The following DACH1 variants were observed in gnomAD, a reference collection of about 807,000 sequenced individuals.
DACH1 encodes the protein dachshund family transcription factor 1.
DACH1 carries 12 observed loss-of-function variants against 54.2 expected under a neutral mutation model. The observed-to-expected ratio is 0.22, with a 90% CI of 0.14 to 0.36. The LOEUF (loss-of-function observed/expected upper bound fraction) is 0.36, where lower values mean the gene tolerates loss of function less well. Ranked by LOEUF, DACH1 falls within the 10% of genes least tolerant of loss-of-function variation. The pLI is 1.00. For missense variants in DACH1, 805 were observed against 929.8 expected, an observed-to-expected ratio of 0.87 and a Z score of 1.75; for synonymous variants, 386 against 366.2, an observed-to-expected ratio of 1.05 and a Z score of -0.62.
At chr13:71,548,083 G>A (rs889212937) in intron 6 of DACH1, among the ~76,000 whole-genome samples, 1 of 152,088 alleles carries the variant, frequency 6.6e-6, no homozygotes, top group African/African-American at 2.4e-5. Context: ...TGAGTGTTAG[G>A]CAAAATTGAA....
rs553076804 is a variant in DACH1 at position 71,596,225 on chromosome 13, G to C, written c.1127-23213C>G. The stretch of plus-strand genomic sequence containing the variant: ...TAGTGTATCTTGAAAATATAAAATA[G>C]CTTACTTACTATTCCCTTGTTTTCA... On this transcript the variant is annotated intron_variant, in intron 3 of 10. Coordinates refer to ENST00000613252, the MANE Select transcript of DACH1 (RefSeq NM_080759.6). Among the ~76,000 whole-genome samples the C allele has an allele frequency of 4.3e-4, 66 of 151,976 alleles. 1 individual carries two copies. The highest frequency in any genetic ancestry group is 3.4e-3 in the Middle Eastern group (1 of 294).
intron 2 of DACH1, among the ~76,000 whole-genome samples, chr13:71,649,024 T>G (rs1878493106): frequency 6.6e-6 from 1 of 152,164 alleles, no homozygotes; most frequent in Admixed American, 6.5e-5. Context: ...AAATTTTGTT[T>G]TGTAAGTATA....
At chr13:71,803,288 T>C (rs1165150933) in intron 1 of DACH1, among the ~76,000 whole-genome samples, 1 of 152,114 alleles carries the variant, frequency 6.6e-6, no homozygotes, top group African/African-American at 2.4e-5. Flanking sequence ...ATTACACAAC[T>C]AGATTCTTAA....
intron 1 of DACH1, among the ~76,000 whole-genome samples, chr13:71,692,369 A>G (rs1566436331): frequency 6.6e-6 from 1 of 152,060 alleles, no homozygotes; most frequent in African/African-American, 2.4e-5. Flanking sequence ...TACTGTCTGC[A>G]TATTTCTGAC....
At chr13:71,809,422 C>T (rs975738735) in intron 1 of DACH1, among the ~76,000 whole-genome samples, 5 of 152,112 alleles carry the variant, frequency 3.3e-5, no homozygotes, top group African/African-American at 1.2e-4. Flanking sequence ...CCTCCCACTT[C>T]GGCCTCCCAA....
At chr13:71,467,317 G>A (rs1413946342) in intron 10 of DACH1, among the ~76,000 whole-genome samples, 1 of 136,488 alleles carries the variant, frequency 7.3e-6, no homozygotes, top group Non-Finnish European at 1.6e-5. Flanking sequence ...CATGGACACA[G>A]GAAGGGGAAC....
rs1875900326 is a variant in DACH1, at chr13:71,617,851, GACAA to G, written c.1126+12701_1126+12704del. Among the ~76,000 whole-genome samples, 5 of 152,042 alleles carry G rather than the reference GACAA, an allele frequency of 3.3e-5. 1 individual carries two copies. The South Asian group carries it at 1.0e-3, about 32-fold the overall frequency. Reference sequence around the variant, plus strand: ...AATCAATAAAAAAAGTACAGGAACTGACAAACAACTAGTCAACAGAATCATTTTT... The same window carrying G: ...AATCAATAAAAAAAGTACAGGAACTGACAACTAGTCAACAGAATCATTTTT... On this transcript the variant is annotated intron_variant, in intron 3 of 10. Coordinates refer to ENST00000613252, the MANE Select transcript of DACH1 (RefSeq NM_080759.6).
At chr13:71,586,209 CT>C (rs1191730608) in intron 3 of DACH1, among the ~76,000 whole-genome samples, 21 of 152,052 alleles carry the variant, frequency 1.4e-4, no homozygotes, top group Non-Finnish European at 1.3e-4. Flanking sequence ...ATGTGGAGTT[CT>C]TATTAGAAAA....
rs907978694 is a variant in DACH1, at chr13:71,844,779, T to C, written c.848+21143A>G. Among the ~76,000 whole-genome samples, 5 of 151,928 alleles carry C rather than the reference T, an allele frequency of 3.3e-5. No individual in the cohort carries two copies. In the South Asian group the frequency reaches 1.0e-3, roughly 32 times the overall value. On this transcript the variant is annotated intron_variant, in intron 1 of 10. Coordinates refer to ENST00000613252, the MANE Select transcript of DACH1 (RefSeq NM_080759.6). Reference sequence around the variant, plus strand: ...GAAAATGTGGAACAATATTCAGCCATAAAAAAGAATGAAATCCTCTCATTC... The same window carrying C: ...GAAAATGTGGAACAATATTCAGCCACAAAAAAGAATGAAATCCTCTCATTC...
chr13:71,458,061 G>A (rs765322984), intron 10 of DACH1, among the ~76,000 whole-genome samples: 2 of 151,680 alleles, frequency 1.3e-5, no homozygotes, highest in Non-Finnish European at 2.9e-5. Flanking sequence ...TATTCCTTAT[G>A]AATACCAAAA....
chr13:71,866,356 G>A lies in DACH1; in HGVS notation c.414C>T (p.Thr138=), dbSNP rs756567053. ...TGCTACTGCTGCTGCTGCTGCTGCCGGTGCTGGCGTTGATGGGGGTGCTGG... is the reference window on the plus strand; with the variant it reads ...TGCTACTGCTGCTGCTGCTGCTGCCAGTGCTGGCGTTGATGGGGGTGCTGG... The part of the protein sequence containing the change: ...VASSTPINAS[T]GSSSSSSSSS... The change falls in exon 1 of 11, where the codon ACC becomes ACT. Residue 138 remains threonine, a synonymous_variant. Transcript: ENST00000613252. The A allele has an allele frequency of 7.2e-6, 11 of 1,526,958 alleles. No individual in the cohort carries two copies. Among genetic ancestry groups the A allele is most frequent in the Admixed American group, 2.0e-5 (1 of 50,356 alleles). 94.6% of individuals were successfully genotyped at this position (1,526,958 alleles called of 1,614,324 possible).
At chr13:71,599,442 C>T (rs1260249435) in intron 3 of DACH1, among the ~76,000 whole-genome samples, 2 of 152,106 alleles carry the variant, frequency 1.3e-5, no homozygotes, top group Middle Eastern at 6.3e-3. Context: ...ATCCTCTTCC[C>T]TTGTTCTGAA....
intron 1 of DACH1, among the ~76,000 whole-genome samples, chr13:71,818,729 C>G (rs752464496): frequency 6.6e-6 from 1 of 152,104 alleles, no homozygotes; most frequent in Non-Finnish European, 1.5e-5. Context: ...AGCAAACAAA[C>G]AAAAAGGTAA....
intron 1 of DACH1, among the ~76,000 whole-genome samples, chr13:71,863,527 G>C (rs964960586): frequency 1.3e-5 from 2 of 152,172 alleles, no homozygotes; most frequent in African/African-American, 4.8e-5. Flanking sequence ...GTAGTGATGA[G>C]ATATTTGTGA....
chr13:71,864,593 A>G (rs537714804), intron 1 of DACH1, among the ~76,000 whole-genome samples: 4 of 152,252 alleles, frequency 2.6e-5, no homozygotes, highest in South Asian at 4.1e-4. Context: ...TGCCCGCTTC[A>G]GGTCTTCAAC....
intron 10 of DACH1, among the ~76,000 whole-genome samples, chr13:71,467,235 AC>A (rs1876662940): frequency 6.6e-6 from 1 of 151,148 alleles, no homozygotes; most frequent in East Asian, 1.9e-4. Flanking sequence ...AAACAGTATT[AC>A]TTTTTAAAAT....
At chr13:71,505,844 CA>C (rs1880273664) in intron 6 of DACH1, among the ~76,000 whole-genome samples, 1 of 152,122 alleles carries the variant, frequency 6.6e-6, no homozygotes, top group East Asian at 1.9e-4. Flanking sequence ...CTAAGATTAA[CA>C]AATTATAAGT....
intron 2 of DACH1, among the ~76,000 whole-genome samples, chr13:71,661,959 C>G (rs913783924): frequency 6.6e-6 from 1 of 151,998 alleles, no homozygotes; most frequent in Non-Finnish European, 1.5e-5. Flanking sequence ...CTCAGAGCCC[C>G]CATTCTTCTC....
intron 6 of DACH1, among the ~76,000 whole-genome samples, chr13:71,548,838 C>A (rs753529721): frequency 6.6e-6 from 1 of 151,942 alleles, no homozygotes; most frequent in Non-Finnish European, 1.5e-5. Context: ...ATCACTTGAA[C>A]CCAGGAGGTG....
Sources: allele counts gnomAD v4.1 joint callset (sites outside exome capture counted in the v4.1 genomes callset), GRCh38; gene constraint gnomAD v4.1.1; transcripts MANE v1.5; gene names NCBI Gene and HGNC (gene_info 2026-07-23, HGNC 2026-07-21).